The following SYT6 variants were observed in gnomAD, a reference collection of about 807,000 sequenced individuals.
SYT6 encodes synaptotagmin 6, also known as synaptotagmin-6.
Under a neutral mutation model 38.4 loss-of-function variants are expected in SYT6, and 24 were observed. That is an observed-to-expected ratio of 0.62 (90% CI 0.45 to 0.88). SYT6 has a LOEUF of 0.88. SYT6 is among the 40% of genes least tolerant of loss of function. SYT6 has a pLI of 0.00. For missense variants in SYT6, 611 were observed against 621.0 expected (o/e 0.98, Z 0.17); for synonymous variants, 265 against 241.9 (o/e 1.10, Z -0.89).
intron 2 of SYT6, 113 bp from the exon 3 acceptor site, chr1:114,138,166 CT>C (rs1678624942): frequency 9.6e-7 from 1 of 1,041,356 alleles, no homozygotes; most frequent in Non-Finnish European, 1.4e-6. Flanking sequence ...GTTGAGCCCC[CT>C]TTTCCTTCCT....
At chr1:114,149,384 G>A (rs1679333424) in intron 1 of SYT6, among the ~76,000 whole-genome samples, 1 of 152,038 alleles carries the variant, frequency 6.6e-6, no homozygotes, top group Middle Eastern at 3.4e-3. Context: ...GAGGGCTTTT[G>A]CTTCCTTTGC....
chr1:114,121,953 G>C (rs1471971998), intron 3 of SYT6, among the ~76,000 whole-genome samples: 1 of 152,210 alleles, frequency 6.6e-6, no homozygotes, highest in East Asian at 1.9e-4. Flanking sequence ...ATTTGGCTAA[G>C]GGGGAAAGCG....
chr1:114,112,908 G>A (rs991166850), intron 3 of SYT6, among the ~76,000 whole-genome samples: 1 of 152,170 alleles, frequency 6.6e-6, no homozygotes, highest in Admixed American at 6.5e-5. Flanking sequence ...GCAGGGCTGT[G>A]GGGGCTGGGA....
intron 3 of SYT6, among the ~76,000 whole-genome samples, chr1:114,109,814 T>G (rs1676564107): frequency 6.6e-6 from 1 of 152,218 alleles, no homozygotes; most frequent in Non-Finnish European, 1.5e-5. Flanking sequence ...GATTTCAAGC[T>G]AGGCTTCCCA....
chr1:114,111,908 G>A (rs1338357281), intron 3 of SYT6, among the ~76,000 whole-genome samples: 2 of 152,126 alleles, frequency 1.3e-5, no homozygotes, highest in East Asian at 1.9e-4. Flanking sequence ...TGTGAACACC[G>A]GCCTGGGTGA....
rs369527892 is a variant in SYT6 at position 114,139,654 on chromosome 1, C to T, written c.473G>A (p.Arg158Gln). The T allele has an allele frequency of 1.2e-5, 20 of 1,614,028 alleles. No individual in the cohort carries two copies. Among genetic ancestry groups the T allele is most frequent in the Admixed American group, 3.3e-5 (2 of 59,998 alleles). The change falls in exon 2 of 8, where the codon CGG becomes CAG. Residue 158 changes from arginine (R) to glutamine (Q), a missense_variant. Transcript: ENST00000610222. ...TGGCTCTGTAGTTTGCCGCTGCAGC[C>T]GGGTGTGACGCATGATGTGCTCCTT... ...SVKEHIMRHT[R>Q]LQRQTTEPAS...
chr1:114,092,990 G>C (rs771870936), intron 7 of SYT6, among the ~76,000 whole-genome samples: 6 of 152,202 alleles, frequency 3.9e-5, no homozygotes, highest in African/African-American at 1.4e-4. Context: ...GTGTCTGCAG[G>C]ACAGAGCTCC....
chr1:114,089,725 T>G lies in SYT6; in HGVS notation c.*2409A>C, dbSNP rs1472962642. The G allele has an allele frequency of 2.6e-5, 4 of 152,364 alleles. No individual in the cohort carries two copies. The highest frequency in any genetic ancestry group is 7.2e-5 in the African/African-American group (3 of 41,454). The allele number at this position is 152,364 out of a possible 1,614,324, so 9.4% of individuals were successfully genotyped here. A position where few individuals can be genotyped will look rare whatever the true frequency, so the allele number is the denominator to read the frequency against. On this transcript the variant is annotated 3_prime_UTR_variant, in exon 8 of 8. Transcript: ENST00000610222. ...TAGTCTACCTTGAGGGTGCTGGGGA[T>G]GAGGCTGCAGGAGATAAAAGCCTCC...
At chr1:114,099,888 G>A (rs1192693644) in intron 4 of SYT6, among the ~76,000 whole-genome samples, 3 of 152,114 alleles carry the variant, frequency 2.0e-5, no homozygotes, top group African/African-American at 7.2e-5. Flanking sequence ...TAGAAGGCGT[G>A]AAGTGGCCCT....
At chr1:114,151,790 G>A (rs986803271) in intron 1 of SYT6, among the ~76,000 whole-genome samples, 1 of 152,176 alleles carries the variant, frequency 6.6e-6, no homozygotes, top group African/African-American at 2.4e-5. Context: ...TGGTGTGTAT[G>A]CGTGGTGTAG....
intron 7 of SYT6, among the ~76,000 whole-genome samples, 166 bp from the exon 8 acceptor site, chr1:114,092,248 C>T (rs1335396948): frequency 1.3e-5 from 2 of 151,536 alleles, no homozygotes; most frequent in African/African-American, 4.9e-5. Context: ...CAGCTTAGAG[C>T]TTCTAGTTTG....
chr1:114,101,366 A>G (rs1281929233), intron 4 of SYT6, among the ~76,000 whole-genome samples: 2 of 152,136 alleles, frequency 1.3e-5, no homozygotes, highest in Non-Finnish European at 2.9e-5. Context: ...CCTCTCTAAC[A>G]GCCTATGATG....
chr1:114,129,224 G>A (rs1204434872), intron 3 of SYT6, among the ~76,000 whole-genome samples: 1 of 152,168 alleles, frequency 6.6e-6, no homozygotes, highest in Non-Finnish European at 1.5e-5. Flanking sequence ...TATATTCAGA[G>A]ACTAGCCACA....
At chr1:114,141,421 C>G (rs541066286) in intron 1 of SYT6, among the ~76,000 whole-genome samples, 1 of 152,172 alleles carries the variant, frequency 6.6e-6, no homozygotes, top group African/African-American at 2.4e-5. Flanking sequence ...CAAGACAGTA[C>G]CTTTCTTTCA....
chr1:114,143,598 C>A (rs1678994517), intron 1 of SYT6, among the ~76,000 whole-genome samples: 1 of 149,504 alleles, frequency 6.7e-6, no homozygotes. Context: ...CTTTTATATG[C>A]ACTGGGAAAC....
intron 3 of SYT6, among the ~76,000 whole-genome samples, chr1:114,135,786 C>T (rs763385814): frequency 7.2e-5 from 11 of 152,200 alleles, no homozygotes; most frequent in Non-Finnish European, 1.6e-4. Context: ...AGCTCTGCTT[C>T]CTGCAGCCCC....
intron 2 of SYT6, among the ~76,000 whole-genome samples, chr1:114,138,505 GC>G (rs576638545): frequency 9.8e-5 from 15 of 152,324 alleles, no homozygotes; most frequent in African/African-American, 3.6e-4. Flanking sequence ...ACGGCAGGCA[GC>G]AGAGTGGTAA....
chr1:114,101,854 C>T (rs1481655659), intron 4 of SYT6, among the ~76,000 whole-genome samples: 3 of 152,152 alleles, frequency 2.0e-5, no homozygotes, highest in Admixed American at 6.5e-5. Context: ...TGTGTTTTAT[C>T]CACTGTTCCA....
At chr1:114,094,914 T>G (rs1347232235) in intron 6 of SYT6, among the ~76,000 whole-genome samples, 2 of 152,230 alleles carry the variant, frequency 1.3e-5, no homozygotes, top group Non-Finnish European at 2.9e-5. Flanking sequence ...ATGCATCGCG[T>G]GGACACAAGG....
Sources: gnomAD v4.1 joint callset for allele counts (sites outside exome capture counted in the v4.1 genomes callset) on GRCh38, gnomAD v4.1.1 for gene constraint, MANE v1.5 for transcripts, NCBI Gene and HGNC (gene_info 2026-07-23, HGNC 2026-07-21) for gene names.